TSHZ2: variants seen among roughly 807,000 people sequenced by gnomAD.
The protein encoded by TSHZ2 is teashirt homolog 2.
In TSHZ2, 21 loss-of-function variants were observed where a neutral mutation model predicts 74.4. The ratio of observed to expected loss-of-function variants is 0.28; its 90% CI spans 0.20 to 0.41. TSHZ2 has a LOEUF of 0.41. Among genes scored for constraint, TSHZ2 ranks in the 10% least tolerant of loss-of-function variants. TSHZ2 has a pLI of 1.00. For synonymous variants in TSHZ2, 540 were observed against 515.3 expected, an observed-to-expected ratio of 1.05 and a Z score of -0.65; for missense variants, 1,244 against 1,293.5, an observed-to-expected ratio of 0.96 and a Z score of 0.59.
At chr20:53,388,769 T>TG (rs1423312166) in intron 2 of TSHZ2, among the ~76,000 whole-genome samples, 5 of 151,952 alleles carry the variant, frequency 3.3e-5, no homozygotes, top group Non-Finnish European at 7.4e-5. Flanking sequence ...TTAGTAGAGA[T>TG]GGGGTTTTTC....
intron 1 of TSHZ2, among the ~76,000 whole-genome samples, chr20:53,072,142 G>C (rs996114253): frequency 6.6e-6 from 1 of 152,230 alleles, no homozygotes; most frequent in East Asian, 1.9e-4. Flanking sequence ...TAGTAGCTGG[G>C]GTTTGTTTTC....
In TSHZ2 at chr20:53,341,426, G is replaced by A. The variant is rs1980197373; in HGVS notation, c.*8+84855G>A. Among the ~76,000 whole-genome samples the A allele has an allele frequency of 1.3e-5, 2 of 152,068 alleles. 1 individual carries two copies. Among genetic ancestry groups the A allele is most frequent in the South Asian group, 4.2e-4 (2 of 4,816 alleles). Reference sequence around the variant, plus strand: ...TCCTAAAACTGGGATAATCACAGAAGGAGGAACAGGTTGGCCACCCTTGCT... The same window carrying A: ...TCCTAAAACTGGGATAATCACAGAAAGAGGAACAGGTTGGCCACCCTTGCT... On this transcript the variant is annotated intron_variant, in intron 2 of 2. Transcript: ENST00000371497.
At chr20:53,019,296 T>C (rs1020382272) in intron 1 of TSHZ2, among the ~76,000 whole-genome samples, 1 of 152,102 alleles carries the variant, frequency 6.6e-6, no homozygotes, top group Admixed American at 6.5e-5. Flanking sequence ...TTTCAGGGTA[T>C]TTTATATCCA....
intron 2 of TSHZ2, among the ~76,000 whole-genome samples, chr20:53,385,037 C>T (rs1462969580): frequency 6.6e-6 from 1 of 152,052 alleles, no homozygotes. Flanking sequence ...AGGAGAATGG[C>T]GTGAACCCGG....
chr20:53,178,854 A>G (rs1467985969), intron 1 of TSHZ2: 2 of 152,182 alleles, frequency 1.3e-5, no homozygotes, highest in African/African-American at 4.8e-5. Flanking sequence ...TGGATTTTCA[A>G]GCTATATCCT....
At chr20:53,460,031 T>A (rs1985287148) in intron 2 of TSHZ2, among the ~76,000 whole-genome samples, 1 of 152,086 alleles carries the variant, frequency 6.6e-6, no homozygotes, top group Non-Finnish European at 1.5e-5. Context: ...GACAATTATG[T>A]GTCTTGGAGT....
At chr20:53,177,809 G>A (rs1345788539) in intron 1 of TSHZ2, among the ~76,000 whole-genome samples, 1 of 152,132 alleles carries the variant, frequency 6.6e-6, no homozygotes, top group African/African-American at 2.4e-5. Context: ...CAGTGCCCAA[G>A]GTAGGACTTG....
intron 1 of TSHZ2, among the ~76,000 whole-genome samples, chr20:53,138,271 C>G (rs991419608): frequency 2.6e-5 from 4 of 151,800 alleles, no homozygotes; most frequent in African/African-American, 9.7e-5. Context: ...GTAGTCCCAG[C>G]TACTTGGGAG....
intron 2 of TSHZ2, among the ~76,000 whole-genome samples, chr20:53,402,902 T>G (rs1338227814): frequency 6.6e-6 from 1 of 152,218 alleles, no homozygotes; most frequent in Non-Finnish European, 1.5e-5. Context: ...CCCACCACAC[T>G]GTTCAGCTCC....
intron 2 of TSHZ2, among the ~76,000 whole-genome samples, chr20:53,366,911 C>A (rs1055709701): frequency 5.3e-5 from 8 of 152,116 alleles, no homozygotes; most frequent in African/African-American, 1.9e-4. Context: ...CATGAGGTGC[C>A]ACTTCTATCA....
At chr20:53,018,083 A>G (rs561595689) in intron 1 of TSHZ2, among the ~76,000 whole-genome samples, 3 of 152,322 alleles carry the variant, frequency 2.0e-5, no homozygotes, top group African/African-American at 7.2e-5. Flanking sequence ...TTACTGGCTC[A>G]TGTAATTGAA....
At chr20:53,366,976 C>T (rs1463377996) in intron 2 of TSHZ2, among the ~76,000 whole-genome samples, 3 of 152,148 alleles carry the variant, frequency 2.0e-5, no homozygotes, top group African/African-American at 7.2e-5. Flanking sequence ...AGGGCATTGC[C>T]GTTTTCAGTG....
rs533157444 is a variant in TSHZ2 at position 53,341,215 on chromosome 20, A to G, written c.*8+84644A>G. ...GGAGGTAGATACAAAATCAGAACTC[A>G]CAGCTTCCCTTATCCACCTCCGATC... On this transcript the variant is annotated intron_variant, in intron 2 of 2. Transcript: ENST00000371497. Among the ~76,000 whole-genome samples, 93 of 152,284 alleles carry G rather than the reference A, an allele frequency of 6.1e-4. 1 individual carries two copies. Among genetic ancestry groups the G allele is most frequent in the Non-Finnish European group, 1.0e-3 (68 of 68,026 alleles).
chr20:53,249,829 A>C (rs1195472336), intron 1 of TSHZ2, among the ~76,000 whole-genome samples: 2 of 152,152 alleles, frequency 1.3e-5, no homozygotes, highest in Non-Finnish European at 2.9e-5. Context: ...TGCAACAGAA[A>C]GACACTGCAG....
At chr20:53,182,046 C>T (rs1357432580) in intron 1 of TSHZ2, among the ~76,000 whole-genome samples, 2 of 152,182 alleles carry the variant, frequency 1.3e-5, no homozygotes, top group African/African-American at 2.4e-5. Flanking sequence ...GTTGCCCCAT[C>T]AAACACCTAC....
chr20:53,131,823 C>A (rs1266588415), intron 1 of TSHZ2, among the ~76,000 whole-genome samples: 5 of 33,362 alleles, frequency 1.5e-4, no homozygotes, highest in Non-Finnish European at 2.8e-4. Context: ...ATGACAACCC[C>A]CCCCCCCCCC....
intron 1 of TSHZ2, among the ~76,000 whole-genome samples, chr20:53,016,724 A>G (rs941184770): frequency 6.6e-6 from 1 of 152,184 alleles, no homozygotes; most frequent in Non-Finnish European, 1.5e-5. Context: ...ATGCTGCTGT[A>G]ACAAATAGCC....
chr20:53,424,821 T>A lies in TSHZ2; in HGVS notation c.*9-62323T>A, dbSNP rs988443603. Among the ~76,000 whole-genome samples the A allele has an allele frequency of 2.0e-5, 3 of 152,304 alleles. No homozygotes were observed. In the South Asian group the frequency reaches 6.2e-4, roughly 32 times the overall value. On this transcript the variant is annotated intron_variant, in intron 2 of 2. Transcript: ENST00000371497. The stretch of plus-strand genomic sequence containing the variant: ...ACTTACAAGTGAGAACAGTGTTTGG[T>A]TTTCTGCTTCTGTATTAGTTTGCTG...
At chr20:53,195,415 A>G (rs1305513029) in intron 1 of TSHZ2, among the ~76,000 whole-genome samples, 1 of 152,174 alleles carries the variant, frequency 6.6e-6, no homozygotes, top group Non-Finnish European at 1.5e-5. Flanking sequence ...ATATTGGTGA[A>G]AGATATACAG....
Sources: allele counts gnomAD v4.1 joint callset (sites outside exome capture counted in the v4.1 genomes callset), GRCh38; gene constraint gnomAD v4.1.1; transcripts MANE v1.5; gene names NCBI Gene and HGNC (gene_info 2026-07-23, HGNC 2026-07-21).